DMAC2L: variants seen among roughly 807,000 people sequenced by gnomAD.
The protein encoded by DMAC2L is ATP synthase subunit s, mitochondrial.
A neutral mutation model predicts 22.5 loss-of-function variants in DMAC2L; 21 were observed. The observed-to-expected ratio is 0.93, with a 90% CI of 0.66 to 1.34. The LOEUF is 1.34. Among genes scored for constraint, DMAC2L ranks in the 40% most tolerant of loss-of-function variants. The pLI is 0.00. For missense variants in DMAC2L, 239 were observed against 246.5 expected, an observed-to-expected ratio of 0.97 and a Z score of 0.20; for synonymous variants, 86 against 89.5, an observed-to-expected ratio of 0.96 and a Z score of 0.22.
At chr14:50,312,045 G>A (rs2031253004), upstream of DMAC2L, 2 of 1,586,642 alleles carry the variant, frequency 1.3e-6, no homozygotes, top group Non-Finnish European at 8.6e-7. Flanking sequence ...CCACACAGCG[G>A]TCTTGGCCTC....
Position 50,325,717 on chromosome 14 carries a change from G to T in DMAC2L, c.597G>T (p.Leu199Phe). Reference sequence around the variant, plus strand: ...CTTCTCTGGAACTAAAATTACAATTGAAGTAAAATAATGTGTCTTATTTCA... The same window carrying T: ...CTTCTCTGGAACTAAAATTACAATTTAAGTAAAATAATGTGTCTTATTTCA... ...ALPSLELKLQLK is the reference protein window; with the variant it reads ...ALPSLELKLQFK Residue 199 changes from leucine (L) to phenylalanine (F), a missense_variant, in exon 6 of 6, where the codon TTG becomes TTT. Physicochemically the swap from Leu to Phe is conservative, Grantham distance 22 (BLOSUM62 0). Transcript: ENST00000557421. 6.2e-7 allele frequency: 1 copy of T among 1,608,746 alleles called. No individual in the cohort carries two copies. Among genetic ancestry groups the T allele is most frequent in the South Asian group, 1.1e-5 (1 of 90,194 alleles).
intron 5 of DMAC2L, 23 bp downstream of exon 5, chr14:50,324,139 G>A: frequency 6.3e-7 from 1 of 1,587,256 alleles, no homozygotes; most frequent in Non-Finnish European, 8.6e-7. Context: ...AGCCAAAGTG[G>A]AAACTTGATA....
At chr14:50,321,183 G>A (rs1418191938) in intron 2 of DMAC2L, 1 of 189,268 alleles carries the variant, frequency 5.3e-6, no homozygotes, top group Non-Finnish European at 1.1e-5. Context: ...CATAGCTACA[G>A]CGCCTGAATG....
At chr14:50,320,067 C>T (rs1296603432) in intron 2 of DMAC2L, among the ~76,000 whole-genome samples, 1 of 152,088 alleles carries the variant, frequency 6.6e-6, no homozygotes, top group Non-Finnish European at 1.5e-5. Flanking sequence ...ACAACCGTAA[C>T]AATGCCAATG....
At position 50,324,028 on chromosome 14, in the gene DMAC2L, G is replaced by C. The variant is rs761035317; in HGVS notation, c.400G>C (p.Glu134Gln). ...DDCLLRLSQL[E>Q]NLQKTILEME... ...CTGTTTGCTGAGACTTAGTCAACTT[G>C]AAAATTTACAAAAAACCATATTGGA... is the stretch of plus-strand genomic sequence containing the variant. Residue 134 changes from glutamate to glutamine, a missense_variant, in exon 5 of 6, where the codon GAA becomes CAA. By Grantham distance (29) the Glu-to-Gln change is conservative (BLOSUM62 2). Coordinates refer to ENST00000557421, the MANE Select transcript of DMAC2L (RefSeq NM_001382507.1). 1 of 1,613,934 alleles carries C rather than the reference G, an allele frequency of 6.2e-7. No individual in the cohort carries two copies. The highest frequency in any genetic ancestry group is 1.1e-5 in the South Asian group (1 of 91,064).
chr14:50,312,172 C>G (rs747407736), upstream of DMAC2L: 2 of 1,607,908 alleles, frequency 1.2e-6, no homozygotes, highest in Non-Finnish European at 8.5e-7. Flanking sequence ...GCTCCCCTCC[C>G]TCAGCGCTCA....
chr14:50,322,644 C>A lies in DMAC2L; in HGVS notation c.241C>A (p.Pro81Thr), dbSNP rs1420154862. 1 of 1,614,078 alleles carries A rather than the reference C, an allele frequency of 6.2e-7. No individual in the cohort carries two copies. The highest frequency in any genetic ancestry group is 8.5e-7 in the Non-Finnish European group (1 of 1,180,024). Residue 81 changes from proline (P) to threonine (T), a missense_variant, in exon 4 of 6, where the codon CCT (proline) becomes ACT (threonine). Pro to Thr is a conservative substitution (Grantham distance 38). Coordinates refer to ENST00000557421, the MANE Select transcript of DMAC2L (RefSeq NM_001382507.1). The part of the protein sequence containing the change: ...QKDYNHLPTG[P>T]LDKYKIQAID... ...GGACTACAACCACCTTCCAACAGGC[C>A]CTCTGGACAAATACAAGATTCAGGC...
At chr14:50,312,050 G>C, upstream of DMAC2L, 1 of 1,589,340 alleles carries the variant, frequency 6.3e-7, no homozygotes, top group Non-Finnish European at 8.5e-7. Context: ...CAGCGGTCTT[G>C]GCCTCCCAGA....
upstream of DMAC2L, chr14:50,312,316 A>G (rs1303244767): frequency 5.1e-6 from 5 of 981,502 alleles, no homozygotes; most frequent in African/African-American, 3.2e-5. Flanking sequence ...CGCGCGTCGG[A>G]GGGCGAAGGG....
At chr14:50,319,455 GA>G (rs2032088197) in intron 2 of DMAC2L, among the ~76,000 whole-genome samples, 1 of 152,122 alleles carries the variant, frequency 6.6e-6, no homozygotes, top group Non-Finnish European at 1.5e-5. Flanking sequence ...TTGAGGAAAG[GA>G]CCCTGGGCTG....
rs755906483 is a variant in DMAC2L, at chr14:50,322,525, G to T, written c.122G>T (p.Arg41Leu). ...CTTGCCAACAGGGTGGATTATGATC[G>T]CATCAGGGATGTTGGCCCTGACAGG... Reference protein sequence around the residue: ...NAVFNKVDYDRIRDVGPDRAA... With the variant: ...NAVFNKVDYDLIRDVGPDRAA... The change falls in exon 4 of 6, where the codon CGC becomes CTC. Residue 41 changes from arginine to leucine, a missense_variant. Coordinates refer to ENST00000557421, the MANE Select transcript of DMAC2L (RefSeq NM_001382507.1). 10 of 1,601,862 alleles carry T rather than the reference G, an allele frequency of 6.2e-6. No individual in the cohort carries two copies. Among genetic ancestry groups the T allele is most frequent in the African/African-American group, 1.3e-5 (1 of 74,662 alleles).
In DMAC2L at chr14:50,322,683, G is replaced by T; in HGVS notation, c.280G>T (p.Asp94Tyr). The change falls in exon 4 of 6, where the codon GAC (aspartate) becomes TAC (tyrosine). Residue 94 changes from aspartate to tyrosine, a missense_variant. Asp to Tyr is a radical substitution (Grantham distance 160). Transcript: ENST00000557421. The part of the protein sequence containing the change: ...KYKIQAIDAT[D>Y]SCIMSIGFDH... The stretch of plus-strand genomic sequence containing the variant: ...CAAGATTCAGGCGATCGACGCCACC[G>T]ACTCTTGTATCATGAGCATTGGATT... 2 of 1,614,130 alleles carry T rather than the reference G, an allele frequency of 1.2e-6. No homozygotes were observed. The highest frequency in any genetic ancestry group is 1.7e-6 in the Non-Finnish European group (2 of 1,180,028).
chr14:50,321,004 T>C (rs2032216184), intron 2 of DMAC2L, among the ~76,000 whole-genome samples: 1 of 152,258 alleles, frequency 6.6e-6, no homozygotes, highest in Admixed American at 6.5e-5. Context: ...TACACTGCTC[T>C]GGTAACACCA....
At chr14:50,324,427 A>G (rs1205659122) in intron 5 of DMAC2L, 2 of 175,088 alleles carry the variant, frequency 1.1e-5, no homozygotes, top group Non-Finnish European at 2.4e-5. Context: ...TTTTTAAAGC[A>G]GTTTCTCCTA....
At chr14:50,321,249 T>G in intron 2 of DMAC2L, 2 of 566,068 alleles carry the variant, frequency 3.5e-6, no homozygotes, top group South Asian at 8.7e-5. Flanking sequence ...ACAGTGGAAC[T>G]TAACGTTCTA....
chr14:50,316,202 T>A (rs61981879), intron 2 of DMAC2L, among the ~76,000 whole-genome samples: 3 of 152,162 alleles, frequency 2.0e-5, no homozygotes, highest in Admixed American at 2.0e-4. Flanking sequence ...GCCATTCATA[T>A]ATCTTCTTTT....
At chr14:50,312,196 G>A (rs752536052), upstream of DMAC2L, 5 of 1,602,986 alleles carry the variant, frequency 3.1e-6, no homozygotes, top group East Asian at 9.0e-5. Context: ...GAAGCCACTT[G>A]ACCCTCCACG....
intron 5 of DMAC2L, 58 bp downstream of exon 5, chr14:50,324,174 A>G: frequency 6.7e-7 from 1 of 1,498,418 alleles, no homozygotes; most frequent in Non-Finnish European, 8.9e-7. Context: ...AATAGTTAGA[A>G]TTTAATTGAC....
At chr14:50,312,945 C>A in intron 1 of DMAC2L, 4 of 1,579,950 alleles carry the variant, frequency 2.5e-6, no homozygotes, top group Non-Finnish European at 2.6e-6. Context: ...ACCGGAAGAA[C>A]CAGACAGCTC....
Sources: gnomAD v4.1 joint callset for allele counts (sites outside exome capture counted in the v4.1 genomes callset) on GRCh38, gnomAD v4.1.1 for gene constraint, MANE v1.5 for transcripts, NCBI Gene and HGNC (gene_info 2026-07-23, HGNC 2026-07-21) for gene names.